The following TJP1 variants were observed in gnomAD, a reference collection of about 807,000 sequenced individuals.
TJP1 encodes the protein tight junction protein ZO-1.
TJP1 carries 43 observed loss-of-function variants against 194.2 expected under a neutral mutation model. The observed-to-expected ratio is 0.22, with a 90% CI of 0.17 to 0.29. The LOEUF is 0.29. TJP1 is among the 10% of genes least tolerant of loss of function. The pLI, the probability that TJP1 is intolerant of heterozygous loss-of-function variation, is 1.00. For missense variants in TJP1, 1,971 were observed against 2,185.7 expected (o/e 0.90, Z 1.96); for synonymous variants, 801 against 779.0 (o/e 1.03, Z -0.47).
At chr15:29,878,524 C>T (rs1017739322) in intron 2 of TJP1, among the ~76,000 whole-genome samples, 6 of 152,074 alleles carry the variant, frequency 3.9e-5, no homozygotes, top group Admixed American at 3.9e-4. Context: ...CTGATATAAT[C>T]TTATTTTAGA....
chr15:29,773,212 C>T (rs748021441), intron 3 of TJP1, 21 bp downstream of exon 3: 11 of 1,612,764 alleles, frequency 6.8e-6, no homozygotes, highest in Non-Finnish European at 9.3e-6. Flanking sequence ...GCACAGTGCC[C>T]ACGATAAGCA....
intron 2 of TJP1, among the ~76,000 whole-genome samples, chr15:29,944,711 T>A (rs1315985879): frequency 1.3e-5 from 2 of 152,344 alleles, no homozygotes; most frequent in East Asian, 3.9e-4. Context: ...AATCGGATTT[T>A]ACCTACTTCA....
At chr15:29,892,445 G>T (rs531662294) in intron 2 of TJP1, among the ~76,000 whole-genome samples, 1 of 152,212 alleles carries the variant, frequency 6.6e-6, no homozygotes, top group Non-Finnish European at 1.5e-5. Flanking sequence ...ACAGACTTTC[G>T]ATGTAGATGA....
intron 4 of TJP1, 80 bp from the exon 5 acceptor site, chr15:29,766,622 C>G: frequency 7.4e-7 from 1 of 1,355,126 alleles, no homozygotes; most frequent in African/African-American, 1.5e-5. Context: ...AGGAATATTA[C>G]ACTTCTCATC....
At chr15:29,819,594 C>T (rs2050184610) in intron 1 of TJP1, among the ~76,000 whole-genome samples, 1 of 152,154 alleles carries the variant, frequency 6.6e-6, no homozygotes, top group Non-Finnish European at 1.5e-5. Flanking sequence ...TTTCCTGATA[C>T]GGCCTTCTTT....
At chr15:29,819,613 T>A (rs1451965221) in intron 1 of TJP1, among the ~76,000 whole-genome samples, 1 of 152,206 alleles carries the variant, frequency 6.6e-6, no homozygotes, top group Non-Finnish European at 1.5e-5. Flanking sequence ...TTTTCCAAAA[T>A]TTTGTCGCTA....
intron 11 of TJP1, among the ~76,000 whole-genome samples, chr15:29,735,633 C>A (rs1231543977): frequency 6.6e-6 from 1 of 151,170 alleles, no homozygotes; most frequent in East Asian, 1.9e-4. Context: ...AAAATGTATG[C>A]CCTGATTACT....
At chr15:29,775,093 C>T (rs939306051) in intron 2 of TJP1, among the ~76,000 whole-genome samples, 2 of 152,080 alleles carry the variant, frequency 1.3e-5, no homozygotes, top group Non-Finnish European at 2.9e-5. Flanking sequence ...GTGAATCATC[C>T]CTTTGTCCAG....
intron 8 of TJP1, among the ~76,000 whole-genome samples, chr15:29,751,860 T>C (rs1041317224): frequency 2.3e-4 from 35 of 152,222 alleles, no homozygotes; most frequent in African/African-American, 8.0e-4. Context: ...TTAAATATTG[T>C]ACTTGTAGAA....
chr15:29,754,670 T>C (rs1382932614), intron 8 of TJP1, among the ~76,000 whole-genome samples: 2 of 152,198 alleles, frequency 1.3e-5, no homozygotes, highest in African/African-American at 2.4e-5. Flanking sequence ...CCTAAAATGC[T>C]TGGGACCAGA....
At chr15:29,783,000 G>A (rs1259161057) in intron 2 of TJP1, among the ~76,000 whole-genome samples, 1 of 151,956 alleles carries the variant, frequency 6.6e-6, no homozygotes, top group Non-Finnish European at 1.5e-5. Flanking sequence ...GCGGCCGGGC[G>A]TGGTGGCTCA....
chr15:29,812,916 T>C (rs917108150), intron 1 of TJP1, among the ~76,000 whole-genome samples: 11 of 152,296 alleles, frequency 7.2e-5, no homozygotes, highest in Middle Eastern at 3.4e-3. Context: ...ACTTGATTTT[T>C]ATAGGTGATA....
chr15:29,759,546 C>T (rs2045864382), intron 8 of TJP1: 1 of 152,182 alleles, frequency 6.6e-6, no homozygotes, highest in East Asian at 1.9e-4. Context: ...ACTCTTGTCA[C>T]TACACTGTAA....
intron 2 of TJP1, among the ~76,000 whole-genome samples, chr15:29,784,215 A>T (rs2047555005): frequency 6.6e-6 from 1 of 152,214 alleles, no homozygotes; most frequent in Non-Finnish European, 1.5e-5. Flanking sequence ...TATGTGAGTT[A>T]TCTGAGAATA....
chr15:29,895,324 A>G (rs899109171), intron 2 of TJP1, among the ~76,000 whole-genome samples: 2 of 152,216 alleles, frequency 1.3e-5, no homozygotes, highest in Non-Finnish European at 2.9e-5. Context: ...AGCACTCAAC[A>G]GACGCCAACC....
At chr15:29,786,727 C>A (rs764651755) in intron 2 of TJP1, among the ~76,000 whole-genome samples, 45 of 152,184 alleles carry the variant, frequency 3.0e-4, no homozygotes, top group Non-Finnish European at 6.2e-4. Flanking sequence ...GTCTTGAACT[C>A]CTGGCCTAGA....
At chr15:29,966,168 T>C (rs902608451) in intron 1 of TJP1, among the ~76,000 whole-genome samples, 1 of 152,230 alleles carries the variant, frequency 6.6e-6, no homozygotes, top group African/African-American at 2.4e-5. Context: ...GCTGCTAATA[T>C]TGATGTCTAA....
At chr15:29,761,436 C>T in intron 7 of TJP1, 150 bp from the exon 8 acceptor site, 4 of 1,287,378 alleles carry the variant, frequency 3.1e-6, no homozygotes, top group Non-Finnish European at 4.3e-6. Context: ...GCAATCATAT[C>T]AATAGTGGTG....
chr15:29,839,612 T>C (rs1408253773), intron 2 of TJP1, among the ~76,000 whole-genome samples: 1 of 152,140 alleles, frequency 6.6e-6, no homozygotes, highest in African/African-American at 2.4e-5. Flanking sequence ...CTTTACTCCA[T>C]CTTTGGTGAC....
Sources: allele counts gnomAD v4.1 joint callset (sites outside exome capture counted in the v4.1 genomes callset), GRCh38; gene constraint gnomAD v4.1.1; transcripts MANE v1.5; gene names NCBI Gene and HGNC (gene_info 2026-07-23, HGNC 2026-07-21).